Variants in GGA2 observed in about 807,000 individuals in gnomAD.
GGA2 encodes the protein ADP-ribosylation factor-binding protein GGA2.
Under a neutral mutation model 79.5 loss-of-function variants are expected in GGA2, and 48 were observed. That is an observed-to-expected ratio of 0.60 (90% CI 0.48 to 0.77). GGA2 has a LOEUF of 0.77. Ranked by LOEUF, GGA2 falls within the 30% of genes least tolerant of loss-of-function variation. The pLI, the probability that GGA2 is intolerant of heterozygous loss-of-function variation, is 0.00. For synonymous variants in GGA2, 317 were observed against 302.0 expected, an observed-to-expected ratio of 1.05 and a Z score of -0.51; for missense variants, 770 against 774.0, an observed-to-expected ratio of 0.99 and a Z score of 0.06.
At chr16:23,472,214 G>A (rs912398705) in intron 14 of GGA2, among the ~76,000 whole-genome samples, 4 of 72,480 alleles carry the variant, frequency 5.5e-5, no homozygotes, top group African/African-American at 2.2e-4. Flanking sequence ...TTTTTTTTTA[G>A]ACACAGTCTC....
At chr16:23,494,030 C>T in intron 3 of GGA2, 1 of 478,290 alleles carries the variant, frequency 2.1e-6, no homozygotes, top group Non-Finnish European at 3.8e-6. Context: ...CATGAACTTG[C>T]CAGCCCTGGT....
intron 16 of GGA2, 56 bp downstream of exon 16, chr16:23,468,830 T>G: frequency 1.0e-6 from 1 of 965,256 alleles, no homozygotes; most frequent in Non-Finnish European, 1.7e-6. Context: ...CAAAGTTACC[T>G]CCCCTTACAG....
intron 9 of GGA2, among the ~76,000 whole-genome samples, chr16:23,481,369 A>G (rs923425397): frequency 1.3e-5 from 2 of 152,214 alleles, no homozygotes; most frequent in East Asian, 3.9e-4. Context: ...GCGAAACTCC[A>G]TCTCAAGAAA....
chr16:23,485,984 T>C (rs750954024), intron 8 of GGA2, 31 bp downstream of exon 8: 2 of 1,600,308 alleles, frequency 1.2e-6, no homozygotes, highest in South Asian at 1.1e-5. Context: ...TTAGTAAACA[T>C]GTGCAGCCCC....
rs1460849442 is a variant in GGA2, at chr16:23,475,054, C to T, written c.1300G>A (p.Val434Ile). The change falls in exon 14 of 17, where the codon GTT becomes ATT. Residue 434 changes from valine to isoleucine, a missense_variant. By Grantham distance (29) the Val-to-Ile change is conservative. Coordinates refer to ENST00000309859, the MANE Select transcript of GGA2 (RefSeq NM_015044.4). ...AQPAPCPLNY[V>I]SQKSVPKEVP... ...TCCTTGGGGACACTTTTCTGCGAAA[C>T]ATAATTCCTACAAAGAAATAAAAAA... is the stretch of plus-strand genomic sequence containing the variant. The T allele has an allele frequency of 1.3e-6, 2 of 1,570,852 alleles. No homozygotes were observed. Among genetic ancestry groups the T allele is most frequent in the Non-Finnish European group, 1.7e-6 (2 of 1,161,312 alleles).
chr16:23,491,840 G>A, intron 4 of GGA2, 40 bp from the exon 5 acceptor site: 1 of 1,427,960 alleles, frequency 7.0e-7, no homozygotes, highest in Non-Finnish European at 9.8e-7. Context: ...AGCTGGAAGG[G>A]ACTTGGGAGA....
upstream of GGA2, among the ~76,000 whole-genome samples, chr16:23,514,659 C>T (rs1247323083): frequency 6.6e-6 from 1 of 152,056 alleles, no homozygotes; most frequent in Non-Finnish European, 1.5e-5. Flanking sequence ...ACCATGTTGC[C>T]CAGGCTGGTC....
At chr16:23,514,344 A>G (rs1965091390), upstream of GGA2, among the ~76,000 whole-genome samples, 1 of 152,052 alleles carries the variant, frequency 6.6e-6, no homozygotes, top group South Asian at 2.1e-4. Context: ...CTGACCTCAA[A>G]TGATCCGCCC....
intron 14 of GGA2, 89 bp from the exon 15 acceptor site, chr16:23,470,254 G>T: frequency 1.0e-6 from 1 of 983,004 alleles, no homozygotes. Context: ...GTTATCCCCA[G>T]ATGCTGTTGC....
chr16:23,497,809 T>A (rs575496266), intron 1 of GGA2, among the ~76,000 whole-genome samples: 1 of 152,308 alleles, frequency 6.6e-6, no homozygotes, highest in Admixed American at 6.5e-5. Context: ...GTACTTGGAC[T>A]CGCTGAGCCT....
chr16:23,511,131 T>C (rs1404829754), upstream of GGA2, among the ~76,000 whole-genome samples: 1 of 152,050 alleles, frequency 6.6e-6, no homozygotes, highest in Non-Finnish European at 1.5e-5. Context: ...CTTCCCAAAG[T>C]GCTTGCATTT....
Position 23,480,744 on chromosome 16 carries a change from G to T in GGA2, c.907C>A (p.Leu303Ile). 4 of 1,611,622 alleles carry T rather than the reference G, an allele frequency of 2.5e-6. No homozygotes were observed. Among genetic ancestry groups the T allele is most frequent in the Non-Finnish European group, 3.4e-6 (4 of 1,177,858 alleles). ...TTGTACAGCAGAACTCCTTGGGTGA[G>T]GAGGTCATTTGCCTGGAGAATTTCC... ...LAEILQANDL[L>I]TQGVLLYKQV... The change falls in exon 10 of 17, where the codon CTC (leucine) becomes ATC (isoleucine). Residue 303 changes from leucine to isoleucine, a missense_variant. Transcript: ENST00000309859.
At chr16:23,517,220 C>A (rs1440442512) in intron 2 of GGA2, among the ~76,000 whole-genome samples, 1 of 101,154 alleles carries the variant, frequency 9.9e-6, no homozygotes, top group African/African-American at 3.9e-5. Flanking sequence ...CCATGCCCAG[C>A]TAATTTTTTT....
chr16:23,473,085 G>A (rs1031204156), intron 14 of GGA2, among the ~76,000 whole-genome samples: 7 of 148,996 alleles, frequency 4.7e-5, no homozygotes, highest in Non-Finnish European at 8.9e-5. Flanking sequence ...CTACTTAATA[G>A]TGCATATATA....
intron 1 of GGA2, among the ~76,000 whole-genome samples, chr16:23,498,194 C>G (rs892159123): frequency 6.6e-6 from 1 of 151,872 alleles, no homozygotes; most frequent in African/African-American, 2.4e-5. Flanking sequence ...GCAGGAGAAT[C>G]GCTTGAACCC....
In GGA2 at chr16:23,465,683, G is replaced by T. The variant is rs1209678360; in HGVS notation, c.*1907C>A. ...AGGCCGGGTGCGGTGGCTCACGCCT[G>T]TAATCCCAGCACTCTGGGAGGCCAA... On this transcript the variant is annotated 3_prime_UTR_variant, in exon 17 of 17. Transcript: ENST00000309859. The T allele has an allele frequency of 2.7e-6, 1 of 375,892 alleles. No individual in the cohort carries two copies. Among genetic ancestry groups the T allele is most frequent in the Non-Finnish European group, 4.9e-6 (1 of 204,960 alleles). The allele number at this position is 375,892 out of a possible 1,614,324, so 23.3% of individuals were successfully genotyped here.
Position 23,493,387 on chromosome 16 carries a change from G to T in GGA2, c.324C>A (p.Asn108Lys). 1 of 1,609,046 alleles carries T rather than the reference G, an allele frequency of 6.2e-7. No homozygotes were observed. Among genetic ancestry groups the T allele is most frequent in the Non-Finnish European group, 8.5e-7 (1 of 1,175,408 alleles). ...HSEVAKFRFL[N>K]ELIKVLSPKY... Reference sequence around the variant, plus strand: ...TTGGGGACAACACTTTGATCAGTTCGTTCAGGAAACGAAATTTGGCCACCT... The same window carrying T: ...TTGGGGACAACACTTTGATCAGTTCTTTCAGGAAACGAAATTTGGCCACCT... The change falls in exon 4 of 17, where the codon AAC (asparagine) becomes AAA (lysine). Residue 108 changes from asparagine to lysine, a missense_variant. Physicochemically the swap from Asn to Lys is moderately conservative, Grantham distance 94. Transcript: ENST00000309859.
intron 4 of GGA2, among the ~76,000 whole-genome samples, chr16:23,492,477 A>G (rs2142132340): frequency 6.6e-6 from 1 of 152,302 alleles, no homozygotes; most frequent in African/African-American, 2.4e-5. Context: ...AAAAAACAAA[A>G]CAAAACAAAA....
chr16:23,485,926 T>G, intron 8 of GGA2, 89 bp downstream of exon 8: 3 of 1,211,416 alleles, frequency 2.5e-6, no homozygotes, highest in Non-Finnish European at 3.6e-6. Flanking sequence ...GTCTTGACTC[T>G]GAGATGGCTT....
Sources: gnomAD v4.1 joint callset for allele counts (sites outside exome capture counted in the v4.1 genomes callset) on GRCh38, gnomAD v4.1.1 for gene constraint, MANE v1.5 for transcripts, NCBI Gene and HGNC (gene_info 2026-07-23, HGNC 2026-07-21) for gene names.